TUBGCP5: variants seen among roughly 807,000 people sequenced by gnomAD.
TUBGCP5 encodes gamma-tubulin complex component 5.
Under a neutral mutation model 134.7 loss-of-function variants are expected in TUBGCP5, and 98 were observed. That is an observed-to-expected ratio of 0.73 (90% CI 0.62 to 0.86). TUBGCP5 has a LOEUF of 0.86. TUBGCP5 is among the 40% of genes least tolerant of loss of function. TUBGCP5 has a pLI of 0.00. For synonymous variants in TUBGCP5, 456 were observed against 431.4 expected, an observed-to-expected ratio of 1.06 and a Z score of -0.71; for missense variants, 1,150 against 1,244.8, an observed-to-expected ratio of 0.92 and a Z score of 1.15.
At position 23,019,252 on chromosome 15, in the gene TUBGCP5, A is replaced by G; in HGVS notation, c.1454T>C (p.Leu485Pro). Residue 485 changes from leucine to proline, a missense_variant, in exon 12 of 23, where the codon CTG (leucine) becomes CCG (proline). Around this residue, in one of 2 missense-constraint regions of TUBGCP5, gnomAD observed 697 missense variants for 850.1 expected, o/e 0.82. Coordinates refer to ENST00000615383, the MANE Select transcript of TUBGCP5 (RefSeq NM_052903.6). The part of the protein sequence containing the change: ...TVDEWIVHGH[L>P]WDGAREFIIQ... ...GATGAACTCCCTGGCGCCATCCCAC[A>G]GGTGCCCGTGCACGATCCACTCGTC... The G allele has an allele frequency of 6.2e-7, 1 of 1,613,960 alleles. No individual in the cohort carries two copies. Among genetic ancestry groups the G allele is most frequent in the East Asian group, 2.2e-5 (1 of 44,884 alleles).
chr15:23,001,639 G>A (rs1055316990), intron 21 of TUBGCP5, among the ~76,000 whole-genome samples: 3 of 150,468 alleles, frequency 2.0e-5, no homozygotes, highest in South Asian at 2.1e-4. Flanking sequence ...CACTGTGCTC[G>A]GCTTTCTTTC....
At chr15:22,993,406 T>C (rs193097757) in intron 23 of TUBGCP5, among the ~76,000 whole-genome samples, 4 of 151,104 alleles carry the variant, frequency 2.6e-5, no homozygotes, top group East Asian at 4.0e-4. Context: ...CTGGAAACTC[T>C]TTTTTATTTT....
intron 6 of TUBGCP5, among the ~76,000 whole-genome samples, 153 bp downstream of exon 6, chr15:23,030,732 T>C (rs905711070): frequency 6.6e-6 from 1 of 152,096 alleles, no homozygotes; most frequent in Non-Finnish European, 1.5e-5. Flanking sequence ...TTAAGCATCA[T>C]AGAAAACATT....
At position 23,006,431 on chromosome 15, in the gene TUBGCP5, C is replaced by A. The variant is rs941212168; in HGVS notation, c.2328-79G>T. The A allele has an allele frequency of 8.0e-5, 76 of 951,858 alleles. No homozygotes were observed. In the African/African-American group the frequency reaches 1.2e-3, roughly 15 times the overall value. The allele number at this position is 951,858 out of a possible 1,614,324, so 59.0% of individuals were successfully genotyped here. On this transcript the variant is annotated intron_variant, in intron 16 of 22. Coordinates refer to ENST00000615383, the MANE Select transcript of TUBGCP5 (RefSeq NM_052903.6). ...TGCTCTTTTAAAATAATTGGTATTTCATTTACATAATATTCCCCAAAAGAT... is the reference window on the plus strand; with the variant it reads ...TGCTCTTTTAAAATAATTGGTATTTAATTTACATAATATTCCCCAAAAGAT...
At chr15:22,996,299 G>A (rs2064077036), downstream of TUBGCP5, among the ~76,000 whole-genome samples, 1 of 151,916 alleles carries the variant, frequency 6.6e-6, no homozygotes. Context: ...TGGTGCTCGT[G>A]CGGTTTAATT....
At chr15:23,030,140 A>G (rs1414594697) in intron 6 of TUBGCP5, among the ~76,000 whole-genome samples, 1 of 152,128 alleles carries the variant, frequency 6.6e-6, no homozygotes, top group East Asian at 1.9e-4. Flanking sequence ...GGTTGCAGTG[A>G]GCTAAGATTG....
intron 3 of TUBGCP5, among the ~76,000 whole-genome samples, chr15:23,035,605 T>A (rs1567171910): frequency 6.6e-6 from 1 of 152,080 alleles, no homozygotes; most frequent in Non-Finnish European, 1.5e-5. Context: ...GAGGTGGAGC[T>A]CAGGCAGTCA....
chr15:22,985,075 A>C (rs2063639828), intron 23 of TUBGCP5, among the ~76,000 whole-genome samples: 1 of 152,216 alleles, frequency 6.6e-6, no homozygotes, highest in Non-Finnish European at 1.5e-5. Flanking sequence ...CTCACACTTC[A>C]GAAAGAAACC....
At chr15:23,033,006 A>G (rs1372994432) in intron 3 of TUBGCP5, among the ~76,000 whole-genome samples, 182 bp from the exon 4 acceptor site, 2 of 152,190 alleles carry the variant, frequency 1.3e-5, no homozygotes, top group African/African-American at 4.8e-5. Flanking sequence ...GCATACACAT[A>G]AGGAACCTCA....
At chr15:22,994,639 G>A (rs2063988513), downstream of TUBGCP5, among the ~76,000 whole-genome samples, 1 of 152,042 alleles carries the variant, frequency 6.6e-6, no homozygotes, top group Admixed American at 6.6e-5. Flanking sequence ...CTAGTTTTTG[G>A]CACTTATTCG....
chr15:23,023,252 C>T (rs998776625), intron 10 of TUBGCP5: 1 of 151,882 alleles, frequency 6.6e-6, no homozygotes. Flanking sequence ...ATGGCGTGAA[C>T]CCGGGAGGCG....
rs533140887 is a variant in TUBGCP5 at position 23,022,518 on chromosome 15, AGAGGGGT to A, written c.1169-364_1169-358del. Among the ~76,000 whole-genome samples, 25 of 152,358 alleles carry A rather than the reference AGAGGGGT, an allele frequency of 1.6e-4. 1 individual carries two copies. In the South Asian group the frequency reaches 5.0e-3, roughly 30 times the overall value. ...ACCTCCCAATGGGCTAATGTTACAG[AGAGGGGT>A]GAGGGAGGCTGTGCCTACAAAGGGC... On this transcript the variant is annotated intron_variant, in intron 10 of 22. Coordinates refer to ENST00000615383, the MANE Select transcript of TUBGCP5 (RefSeq NM_052903.6).
chr15:23,016,043 G>C (rs2065294220), intron 13 of TUBGCP5, among the ~76,000 whole-genome samples: 1 of 152,064 alleles, frequency 6.6e-6, no homozygotes, highest in South Asian at 2.1e-4. Context: ...AAATAATTCA[G>C]AATTAAAATC....
chr15:23,010,126 A>AG lies in TUBGCP5; in HGVS notation c.1962_1963insC (p.Glu656GlyfsTer4). Reference sequence around the variant, plus strand: ...TTCTCGTGAAAGTCACTCTGCTCCAAATACATCCTTCAAGATAAAAATGTG... The same window carrying AG: ...TTCTCGTGAAAGTCACTCTGCTCCAAGATACATCCTTCAAGATAAAAATGTG... On this transcript the variant is annotated frameshift_variant, in exon 15 of 23. Coordinates refer to ENST00000615383, the MANE Select transcript of TUBGCP5 (RefSeq NM_052903.6). LOFTEE classifies it high-confidence loss of function. The AG allele has an allele frequency of 1.2e-6, 2 of 1,611,788 alleles. No individual in the cohort carries two copies. Among genetic ancestry groups the AG allele is most frequent in the Non-Finnish European group, 1.7e-6 (2 of 1,178,296 alleles).
intron 6 of TUBGCP5, among the ~76,000 whole-genome samples, chr15:23,030,504 CT>C (rs2066242706): frequency 1.3e-5 from 2 of 149,474 alleles, no homozygotes; most frequent in Non-Finnish European, 3.0e-5. Flanking sequence ...CTCCCTTATA[CT>C]TTTTTATTTT....
chr15:23,004,073 G>A (rs1258682091), intron 20 of TUBGCP5, 29 bp downstream of exon 20: 1 of 1,587,872 alleles, frequency 6.3e-7, no homozygotes, highest in East Asian at 2.3e-5. Flanking sequence ...CCCAGCAGTG[G>A]CCACATCTGC....
chr15:23,024,763 T>C lies in TUBGCP5; in HGVS notation c.895A>G (p.Asn299Asp). ...TGTGTTAAATGAGTTACTATAATAT[T>C]GTTTCTCACAGTTACCTTCCCATCT... is the stretch of plus-strand genomic sequence containing the variant. ...LIDGKVTVRN[N>D]IIVTHLTHSC... is the part of the protein sequence containing the mutation. Residue 299 changes from asparagine (N) to aspartate (D), a missense_variant, in exon 9 of 23, where the codon AAT becomes GAT. Transcript: ENST00000615383. 6.3e-7 allele frequency: 1 copy of C among 1,581,936 alleles called. No homozygotes were observed. Among genetic ancestry groups the C allele is most frequent in the Non-Finnish European group, 8.7e-7 (1 of 1,155,974 alleles).
intron 22 of TUBGCP5, 50 bp from the exon 23 acceptor site, chr15:22,999,916 A>G (rs776949157): frequency 2.5e-6 from 4 of 1,598,604 alleles, no homozygotes; most frequent in Middle Eastern, 1.7e-4. Context: ...AAATGTTGAA[A>G]AAAAATTTTT....
chr15:23,005,605 C>G lies in TUBGCP5; in HGVS notation c.2539G>C (p.Val847Leu), dbSNP rs1169078936. The change falls in exon 19 of 23, where the codon GTT becomes CTT. Residue 847 changes from valine to leucine, a missense_variant. Val to Leu is a conservative substitution (Grantham distance 32, BLOSUM62 1). This residue lies in a region of TUBGCP5 where 697 missense variants were observed against 850.1 expected (regional missense o/e 0.82). Coordinates refer to ENST00000615383, the MANE Select transcript of TUBGCP5 (RefSeq NM_052903.6). ...SLDVLLFGELVSTAEKPRLKE... is the reference protein window; with the variant it reads ...SLDVLLFGELLSTAEKPRLKE... ...AGTCGTGGTTTTTCTGCAGTACTAA[C>G]CAGTTCTATAAAACATTGGAAGAGC... The G allele has an allele frequency of 1.2e-6, 2 of 1,612,878 alleles. No individual in the cohort carries two copies. Among genetic ancestry groups the G allele is most frequent in the Admixed American group, 1.7e-5 (1 of 59,810 alleles).
Sources: gnomAD v4.1 joint callset for allele counts (sites outside exome capture counted in the v4.1 genomes callset) on GRCh38, gnomAD v4.1.1 for gene constraint, gnomAD v4.1.1 regional missense constraint, MANE v1.5 for transcripts, NCBI Gene and HGNC (gene_info 2026-07-23, HGNC 2026-07-21) for gene names.